MGRN1: variants seen among roughly 807,000 people sequenced by gnomAD.
MGRN1 encodes E3 ubiquitin-protein ligase MGRN1.
Under a neutral mutation model 69.2 loss-of-function variants are expected in MGRN1, and 29 were observed. That is an observed-to-expected ratio of 0.42 (90% confidence interval 0.31 to 0.57). The LOEUF is 0.57. MGRN1 is among the 20% of genes least tolerant of loss of function. The pLI, the probability that MGRN1 is intolerant of heterozygous loss-of-function variation, is 0.15. For synonymous variants in MGRN1, 470 were observed against 344.2 expected (o/e 1.37, Z -4.04); for missense variants, 998 against 796.2 (o/e 1.25, Z -3.05).
rs187264842 is a variant in MGRN1, at chr16:4,671,589, T to C, written c.795+130T>C. On this transcript the variant is annotated intron_variant, in intron 9 of 16. Coordinates refer to ENST00000262370, the MANE Select transcript of MGRN1 (RefSeq NM_015246.4). ...TCCTAGACCCGCTAGACAACATCAT[T>C]TTTCCTTAATTTTTTTTAAAGCTAA... 3.4e-4 allele frequency: 259 copies of C among 760,820 alleles called. No homozygotes were observed. In the African/African-American group the frequency reaches 3.9e-3, roughly 12 times the overall value. The allele number at this position is 760,820 out of a possible 1,614,324, so 47.1% of individuals were successfully genotyped here.
chr16:4,643,837 C>T (rs976848415), intron 1 of MGRN1, among the ~76,000 whole-genome samples: 1 of 152,100 alleles, frequency 6.6e-6, no homozygotes, highest in African/African-American at 2.4e-5. Flanking sequence ...TTATCAATAA[C>T]AAGAAGAAAT....
chr16:4,653,309 G>A (rs1452570592), intron 4 of MGRN1, among the ~76,000 whole-genome samples: 1 of 152,056 alleles, frequency 6.6e-6, no homozygotes, highest in African/African-American at 2.4e-5. Flanking sequence ...GGAAGGGGTG[G>A]GGCGCACCAC....
chr16:4,650,072 G>A (rs578023436), intron 1 of MGRN1: 18 of 229,910 alleles, frequency 7.8e-5, no homozygotes, highest in African/African-American at 4.3e-4. Context: ...GGAGGCTGAG[G>A]CGGGCGGATT....
At chr16:4,634,937 T>G (rs1178804088) in intron 1 of MGRN1, 1 of 152,092 alleles carries the variant, frequency 6.6e-6, no homozygotes, top group Admixed American at 6.6e-5. Flanking sequence ...GCGCCACTGC[T>G]CACATAACTG....
chr16:4,644,801 A>T (rs961483932), intron 1 of MGRN1, among the ~76,000 whole-genome samples: 1 of 152,176 alleles, frequency 6.6e-6, no homozygotes, highest in Non-Finnish European at 1.5e-5. Context: ...AAATTCACTT[A>T]CCATGGGGAC....
At chr16:4,635,574 A>G (rs1050596341) in intron 1 of MGRN1, among the ~76,000 whole-genome samples, 2 of 151,562 alleles carry the variant, frequency 1.3e-5, no homozygotes, top group Non-Finnish European at 2.9e-5. Context: ...GGTTCGAGCA[A>G]TCCTCCTTCA....
intron 1 of MGRN1, among the ~76,000 whole-genome samples, chr16:4,642,833 C>G (rs2078192156): frequency 6.6e-6 from 1 of 151,094 alleles, no homozygotes; most frequent in Non-Finnish European, 1.5e-5. Flanking sequence ...GTTGCCTAGG[C>G]TATAATGCAG....
Position 4,673,572 on chromosome 16 carries a change from C to G in MGRN1, c.870C>G (p.Ile290Met). Reference protein sequence around the residue: ...VCLSDLRDTLILPCRHLCLCT... With the variant: ...VCLSDLRDTLMLPCRHLCLCT... ...TGTCCGACCTGCGGGACACGCTGAT[C>G]CTGCCCTGCCGCCACCTGTGCCTCT... Residue 290 changes from isoleucine (I) to methionine (M), a missense_variant, in exon 10 of 17, where the codon ATC becomes ATG. By Grantham distance (10) the Ile-to-Met change is conservative. Coordinates refer to ENST00000262370, the MANE Select transcript of MGRN1 (RefSeq NM_015246.4). 6 of 1,613,858 alleles carry G rather than the reference C, an allele frequency of 3.7e-6. No individual in the cohort carries two copies. Among genetic ancestry groups the G allele is most frequent in the Non-Finnish European group, 5.1e-6 (6 of 1,179,982 alleles).
At chr16:4,636,694 T>C (rs895264066) in intron 1 of MGRN1, among the ~76,000 whole-genome samples, 5 of 152,184 alleles carry the variant, frequency 3.3e-5, no homozygotes, top group Admixed American at 6.5e-5. Context: ...TAATTTTTTT[T>C]CAATTCCACC....
chr16:4,685,761 C>T (rs1392368601), intron 16 of MGRN1, among the ~76,000 whole-genome samples: 1 of 152,230 alleles, frequency 6.6e-6, no homozygotes, highest in East Asian at 1.9e-4. Flanking sequence ...CGTGTCTGTG[C>T]GTAAGGCATG....
At chr16:4,676,689 C>G (rs914500123) in intron 10 of MGRN1, among the ~76,000 whole-genome samples, 1 of 152,136 alleles carries the variant, frequency 6.6e-6, no homozygotes, top group Admixed American at 6.5e-5. Flanking sequence ...GTTTCCTGGC[C>G]TGCACACGTC....
At chr16:4,685,185 T>C (rs151188640) in intron 16 of MGRN1, among the ~76,000 whole-genome samples, 30 of 152,352 alleles carry the variant, frequency 2.0e-4, no homozygotes, top group African/African-American at 4.8e-4. Context: ...ATCTCAAATA[T>C]TTCATTCTGA....
intron 16 of MGRN1, chr16:4,686,881 C>T: frequency 4.1e-6 from 4 of 985,532 alleles, no homozygotes; most frequent in Non-Finnish European, 2.4e-6. Flanking sequence ...TTGGGAGAGC[C>T]CCTGGATCAC....
At chr16:4,652,349 T>C (rs1369492133) in intron 3 of MGRN1, among the ~76,000 whole-genome samples, 3 of 151,916 alleles carry the variant, frequency 2.0e-5, no homozygotes, top group Non-Finnish European at 2.9e-5. Context: ...CTTCCTGCCA[T>C]GCACAGGACG....
chr16:4,641,534 T>A (rs912875660), intron 1 of MGRN1, among the ~76,000 whole-genome samples: 20 of 140,412 alleles, frequency 1.4e-4, no homozygotes, highest in Non-Finnish European at 1.7e-4. Context: ...TTTTTTTTTT[T>A]AAGACAGCGT....
intron 4 of MGRN1, among the ~76,000 whole-genome samples, chr16:4,653,975 C>T (rs2078468238): frequency 6.6e-6 from 1 of 152,152 alleles, no homozygotes; most frequent in East Asian, 1.9e-4. Context: ...TGGTCTCAAT[C>T]GCTCGACCTC....
At position 4,682,959 on chromosome 16, in the gene MGRN1, C is replaced by G; in HGVS notation, c.1482+13C>G. On this transcript the variant is annotated intron_variant, in intron 14 of 16. Coordinates refer to ENST00000262370, the MANE Select transcript of MGRN1 (RefSeq NM_015246.4). ...CAGCTCCCCTGAGGTGAGGCCCCCC[C>G]GGGGAAGCTTTGCGCACCCGCCCGG... The G allele has an allele frequency of 6.5e-7, 1 of 1,544,436 alleles. No homozygotes were observed. Among genetic ancestry groups the G allele is most frequent in the South Asian group, 1.2e-5 (1 of 83,430 alleles).
At chr16:4,655,325 G>A (rs968852094) in intron 4 of MGRN1, among the ~76,000 whole-genome samples, 1 of 152,206 alleles carries the variant, frequency 6.6e-6, no homozygotes, top group African/African-American at 2.4e-5. Context: ...AGGCTAGAGA[G>A]AGCAGAGAGG....
At chr16:4,667,180 C>T (rs2078823891) in intron 7 of MGRN1, among the ~76,000 whole-genome samples, 1 of 152,238 alleles carries the variant, frequency 6.6e-6, no homozygotes. Flanking sequence ...TCTCCACCCA[C>T]CTCCAGCCCC....
Sources: gnomAD v4.1 joint callset for allele counts (sites outside exome capture counted in the v4.1 genomes callset) on GRCh38, gnomAD v4.1.1 for gene constraint, MANE v1.5 for transcripts, NCBI Gene and HGNC (gene_info 2026-07-23, HGNC 2026-07-21) for gene names.